The following NTRK3 variants were observed in gnomAD, a reference collection of about 807,000 sequenced individuals.
The protein encoded by NTRK3 is neurotrophic receptor tyrosine kinase 3, also known as NT-3 growth factor receptor.
A neutral mutation model predicts 91.7 loss-of-function variants in NTRK3; 24 were observed. That is an observed-to-expected ratio of 0.26 (90% CI 0.19 to 0.37). NTRK3 has a LOEUF of 0.37. Ranked by LOEUF, NTRK3 falls within the 10% of genes least tolerant of loss-of-function variation. The probability of loss-of-function intolerance (pLI) is 1.00; values close to 1 mark genes in which losing one functional copy is unlikely to be tolerated. For synonymous variants in NTRK3, 483 were observed against 404.0 expected, an observed-to-expected ratio of 1.20 and a Z score of -2.34; for missense variants, 880 against 1,068.9, an observed-to-expected ratio of 0.82 and a Z score of 2.46.
rs376915797 is a variant in NTRK3, at chr15:88,242,535, T to A, written c.248+13371A>T. The stretch of plus-strand genomic sequence containing the variant: ...TTGAGATAACCCTTTGAGCTGTAGA[T>A]CATTTGTCTAATACCTGCCTCCCTC... On this transcript the variant is annotated intron_variant, in intron 3 of 18. Coordinates refer to ENST00000394480, the Ensembl canonical transcript of NTRK3. Among the ~76,000 whole-genome samples, 3 of 152,214 alleles carry A rather than the reference T, an allele frequency of 2.0e-5. No individual in the cohort carries two copies. In the South Asian group the frequency reaches 6.2e-4, roughly 31 times the overall value.
At chr15:87,935,116 A>T (rs1228825356) in intron 15 of NTRK3, among the ~76,000 whole-genome samples, 1 of 152,168 alleles carries the variant, frequency 6.6e-6, no homozygotes, top group Non-Finnish European at 1.5e-5. Flanking sequence ...CCTGCCCAGC[A>T]CACCTGCCTG....
rs1379702365 is a variant in NTRK3 at position 88,240,378 on chromosome 15, G to A, written c.248+15528C>T. Among the ~76,000 whole-genome samples the A allele has an allele frequency of 6.6e-6, 1 of 152,182 alleles. No individual in the cohort carries two copies. Among genetic ancestry groups the A allele is most frequent in the African/African-American group, 2.4e-5 (1 of 41,444 alleles). ...ACACAGGCCAGCCCCATCCTGCCCTGACGCAGGGGACATTCTGTGAGGATG... is the reference window on the plus strand; with the variant it reads ...ACACAGGCCAGCCCCATCCTGCCCTAACGCAGGGGACATTCTGTGAGGATG... On this transcript the variant is annotated intron_variant, in intron 3 of 18. Coordinates refer to ENST00000394480, the Ensembl canonical transcript of NTRK3. This position sits in a 1 kb window ranked among gnomAD's most constrained non-coding sequence, Gnocchi z 4.9.
intron 3 of NTRK3, among the ~76,000 whole-genome samples, chr15:88,230,911 C>T (rs954433742): frequency 1.3e-5 from 2 of 152,202 alleles, no homozygotes; most frequent in East Asian, 3.8e-4. Context: ...TGGTTGACGC[C>T]CATGGAGAAA....
intron 17 of NTRK3, among the ~76,000 whole-genome samples, chr15:87,909,503 T>C (rs1264300618): frequency 6.6e-6 from 1 of 151,968 alleles, no homozygotes; most frequent in African/African-American, 2.4e-5. Flanking sequence ...GACCATCCAG[T>C]GAAGACAATG....
chr15:87,889,070 G>C (rs945294537), intron 17 of NTRK3, among the ~76,000 whole-genome samples: 1 of 152,110 alleles, frequency 6.6e-6, no homozygotes, highest in Non-Finnish European at 1.5e-5. Context: ...CTCCAGTGGG[G>C]TGAATGTGGC....
intron 13 of NTRK3, among the ~76,000 whole-genome samples, chr15:88,084,656 C>A (rs186258237): frequency 2.4e-3 from 360 of 152,336 alleles, no homozygotes; most frequent in Non-Finnish European, 3.5e-3. Context: ...CCAACCCTCT[C>A]ACCTTGTGAG....
At chr15:88,218,633 AC>A (rs2049990146) in intron 3 of NTRK3, among the ~76,000 whole-genome samples, 1 of 152,208 alleles carries the variant, frequency 6.6e-6, no homozygotes, top group African/African-American at 2.4e-5. Flanking sequence ...TCTTGGGCTC[AC>A]AGTCTGACTG....
At position 87,916,415 on chromosome 15, in the gene NTRK3, A is replaced by G. The variant is rs1029213130; in HGVS notation, c.2133+12776T>C. On this transcript the variant is annotated intron_variant, in intron 17 of 18. Transcript: ENST00000394480. The stretch of plus-strand genomic sequence containing the variant: ...AGTAGAGAGACGTGAATGACTCAAC[A>G]CCAGATTCAATGGTCTCCTTCAGCC... 27 of 673,716 alleles carry G rather than the reference A, an allele frequency of 4.0e-5. No individual in the cohort carries two copies. The Admixed American group carries it at 4.3e-4, about 11-fold the overall frequency. 41.7% of individuals were successfully genotyped at this position (673,716 alleles called of 1,614,324 possible).
chr15:88,186,053 C>A (rs913152036), intron 3 of NTRK3, among the ~76,000 whole-genome samples: 1 of 152,100 alleles, frequency 6.6e-6, no homozygotes. Flanking sequence ...GAGAACCTGG[C>A]AACATTTCAG....
intron 17 of NTRK3, among the ~76,000 whole-genome samples, chr15:87,904,389 C>T (rs1043303124): frequency 1.6e-4 from 25 of 152,034 alleles, no homozygotes; most frequent in African/African-American, 5.6e-4. Flanking sequence ...ATCTCCTGAC[C>T]TCATGATCCA....
At chr15:88,128,623 G>T in intron 11 of NTRK3, 88 bp downstream of exon 11, 1 of 1,367,850 alleles carries the variant, frequency 7.3e-7, no homozygotes, top group Non-Finnish European at 1.0e-6. Flanking sequence ...GGGATGATGT[G>T]GAATAGGAGA....
intron 13 of NTRK3, 123 bp from the exon 14 acceptor site, chr15:88,033,168 G>A: frequency 2.6e-6 from 1 of 389,384 alleles, no homozygotes; most frequent in South Asian, 2.1e-5. Context: ...TTACTTTTGG[G>A]GGGTGTGTTA....
At chr15:87,932,026 G>T (rs1342968925) in intron 16 of NTRK3, among the ~76,000 whole-genome samples, 1 of 152,174 alleles carries the variant, frequency 6.6e-6, no homozygotes, top group Non-Finnish European at 1.5e-5. Context: ...CCTTCACATG[G>T]CTGTCCCTTC....
chr15:88,245,816 G>T (rs1468503720), intron 3 of NTRK3, among the ~76,000 whole-genome samples: 1 of 152,202 alleles, frequency 6.6e-6, no homozygotes, highest in Non-Finnish European at 1.5e-5. Flanking sequence ...AGGGTCTCAG[G>T]ATGTAAGAGG....
chr15:88,230,289 A>G (rs2051068078), intron 3 of NTRK3, among the ~76,000 whole-genome samples: 1 of 152,260 alleles, frequency 6.6e-6, no homozygotes, highest in African/African-American at 2.4e-5. Flanking sequence ...ATCCACCAGG[A>G]TAAGAGGATG....
At chr15:87,988,423 C>A (rs2075021900) in intron 14 of NTRK3, among the ~76,000 whole-genome samples, 1 of 152,120 alleles carries the variant, frequency 6.6e-6, no homozygotes. Context: ...TAGTATTGAA[C>A]TTAATTAAGA....
intron 16 of NTRK3, among the ~76,000 whole-genome samples, chr15:87,931,775 T>C (rs1421521001): frequency 6.6e-6 from 1 of 152,222 alleles, no homozygotes; most frequent in Non-Finnish European, 1.5e-5. Flanking sequence ...TGCCTGGTAC[T>C]AACTCATTTC....
At chr15:88,136,554 G>A (rs1863480) in exon 8 of NTRK3, 1,607,039 of 1,614,030 alleles carry the variant, frequency 1, 800,046 homozygotes, top group East Asian at 1. Flanking sequence ...TGATAACAGC[G>A]TTGTCACCCT....
chr15:87,859,777 G>GTAT, exon 19 of NTRK3: 1 of 175,476 alleles, frequency 5.7e-6, no homozygotes, highest in Admixed American at 6.3e-5. Context: ...TATTTGAGAA[G>GTAT]AGACCCTACA....
Sources: gnomAD v4.1 joint callset for allele counts (sites outside exome capture counted in the v4.1 genomes callset) on GRCh38, gnomAD v4.1.1 for gene constraint, Gnocchi (gnomAD v3.1) non-coding constraint, MANE v1.5 for transcripts, NCBI Gene and HGNC (gene_info 2026-07-23, HGNC 2026-07-21) for gene names.